The following QTGAL variants were observed in gnomAD, a reference collection of about 807,000 sequenced individuals.
QTGAL encodes the protein BGnT-like protein 1.
the QTGAL span, among the ~76,000 whole-genome samples, chr17:82,963,731 A>G: frequency 6.6e-6 from 1 of 152,154 alleles, no homozygotes; most frequent in Non-Finnish European, 1.5e-5. Context: ...TAGGGCTGGC[A>G]GGTGGCTGTT....
chr17:83,008,883 C>T, the QTGAL span, among the ~76,000 whole-genome samples: 1 of 152,240 alleles, frequency 6.6e-6, no homozygotes, highest in Non-Finnish European at 1.5e-5. Flanking sequence ...TGTGCGGGCT[C>T]GAGATGATCC....
chr17:83,038,570 A>G, the QTGAL span, among the ~76,000 whole-genome samples: 3 of 152,236 alleles, frequency 2.0e-5, no homozygotes, highest in Non-Finnish European at 4.4e-5. Flanking sequence ...AACTTAAAAG[A>G]ATATTAGGCC....
the QTGAL span, among the ~76,000 whole-genome samples, chr17:82,994,401 TA>T: frequency 2.0e-5 from 3 of 151,996 alleles, no homozygotes; most frequent in African/African-American, 7.2e-5. Context: ...GGGAAAAATT[TA>T]GAAAAATTAG....
At chr17:82,951,867 T>G in the QTGAL span, among the ~76,000 whole-genome samples, 3 of 151,870 alleles carry the variant, frequency 2.0e-5, no homozygotes, top group Non-Finnish European at 4.4e-5. Flanking sequence ...TCAATCAAGT[T>G]CACTGATTCA....
At chr17:82,950,663 T>G in the QTGAL span, among the ~76,000 whole-genome samples, 1 of 152,212 alleles carries the variant, frequency 6.6e-6, no homozygotes, top group East Asian at 1.9e-4. Context: ...CCAATAAGAC[T>G]GGAAAGTTGG....
the QTGAL span, chr17:83,051,753 G>A: frequency 1.3e-6 from 2 of 1,497,840 alleles, no homozygotes; most frequent in Non-Finnish European, 1.8e-6. Context: ...GGCCTGCATG[G>A]CCTGGCTCTC....
the QTGAL span, chr17:82,943,310 G>A: frequency 0.042 from 6,465 of 152,292 alleles, 268 homozygotes; most frequent in African/African-American, 0.11. Flanking sequence ...TGAGGGGAAC[G>A]TGTATAAAAA....
the QTGAL span, chr17:82,943,346 C>CAGAT: frequency 2.7e-3 from 418 of 152,376 alleles, 19 homozygotes; most frequent in South Asian, 0.082. Flanking sequence ...AACCCACACC[C>CAGAT]ATCTCTGGGA....
chr17:83,018,183 G>A, the QTGAL span, among the ~76,000 whole-genome samples: 1 of 150,080 alleles, frequency 6.7e-6, no homozygotes, highest in Non-Finnish European at 1.5e-5. Flanking sequence ...GCTGTATCAG[G>A]TACCACACAT....
At chr17:82,979,652 G>T in the QTGAL span, among the ~76,000 whole-genome samples, 34 of 152,312 alleles carry the variant, frequency 2.2e-4, no homozygotes, top group Middle Eastern at 0.01. Flanking sequence ...TAGTGAATTG[G>T]AAAACTCTAT....
the QTGAL span, among the ~76,000 whole-genome samples, chr17:83,019,303 A>C: frequency 1.1e-4 from 16 of 152,376 alleles, no homozygotes; most frequent in African/African-American, 3.8e-4. Context: ...CAGTGCGCAA[A>C]GACAGCCAGG....
At chr17:83,010,044 G>A in the QTGAL span, among the ~76,000 whole-genome samples, 631 of 112,172 alleles carry the variant, frequency 5.6e-3, 7 homozygotes, top group African/African-American at 0.02. Context: ...GCTGCCCGGC[G>A]GGGGGCTGGG....
chr17:82,974,834 C>A, the QTGAL span, among the ~76,000 whole-genome samples: 1 of 152,226 alleles, frequency 6.6e-6, no homozygotes, highest in East Asian at 1.9e-4. Context: ...CAGACAGGCA[C>A]AGGTGGAAGC....
the QTGAL span, among the ~76,000 whole-genome samples, chr17:82,990,872 C>G: frequency 6.6e-6 from 1 of 152,140 alleles, no homozygotes; most frequent in Non-Finnish European, 1.5e-5. Flanking sequence ...TCTGTCTCTG[C>G]CATATCAGGG....
chr17:82,946,569 A>AGTGTGTGTGTGTGTGTGT, the QTGAL span, among the ~76,000 whole-genome samples: 5,097 of 150,208 alleles, frequency 0.034, 230 homozygotes, highest in African/African-American at 0.1. Flanking sequence ...ACAGAACCCA[A>AGTGTGTGTGTGTGTGTGT]GTGTGTGTGT....
At chr17:82,952,284 G>C in the QTGAL span, among the ~76,000 whole-genome samples, 1 of 152,114 alleles carries the variant, frequency 6.6e-6, no homozygotes, top group Non-Finnish European at 1.5e-5. Flanking sequence ...GCTGTCACAG[G>C]TGCCCATGTC....
the QTGAL span, among the ~76,000 whole-genome samples, chr17:82,996,220 C>T: frequency 2.0e-5 from 3 of 152,290 alleles, no homozygotes; most frequent in African/African-American, 7.2e-5. Context: ...CAATGGCATT[C>T]TTCACAAAAA....
chr17:83,021,995 CA>C, the QTGAL span, among the ~76,000 whole-genome samples: 1 of 152,042 alleles, frequency 6.6e-6, no homozygotes, highest in Non-Finnish European at 1.5e-5. Flanking sequence ...GGACATCATC[CA>C]GGAAAAAGAA....
At chr17:82,946,833 A>T in the QTGAL span, 3 of 1,417,970 alleles carry the variant, frequency 2.1e-6, no homozygotes, top group Non-Finnish European at 2.9e-6. Flanking sequence ...GAAATGAAAC[A>T]TAATAAAGAA....
Sources: allele counts gnomAD v4.1 joint callset (sites outside exome capture counted in the v4.1 genomes callset), GRCh38; gene constraint gnomAD v4.1.1; transcripts MANE v1.5; gene names NCBI Gene and HGNC (gene_info 2026-07-23, HGNC 2026-07-21).